The following CFAP299 variants were observed in gnomAD, a reference collection of about 807,000 sequenced individuals.
The protein encoded by CFAP299 is cilia and flagella associated protein 299, also known as cilia- and flagella-associated protein 299.
Under a neutral mutation model 27.0 loss-of-function variants are expected in CFAP299, and 21 were observed. The observed-to-expected ratio is 0.78, with a 90% CI of 0.55 to 1.12. The LOEUF is 1.12. Among genes scored for constraint, CFAP299 ranks in the 50% most tolerant of loss-of-function variants. The pLI, the probability that CFAP299 is intolerant of heterozygous loss-of-function variation, is 0.00. For synonymous variants in CFAP299, 104 were observed against 98.1 expected, an observed-to-expected ratio of 1.06 and a Z score of -0.36; for missense variants, 310 against 276.6, an observed-to-expected ratio of 1.12 and a Z score of -0.86.
At chr4:80,646,277 G>A (rs557856551) in intron 3 of CFAP299, among the ~76,000 whole-genome samples, 4 of 152,264 alleles carry the variant, frequency 2.6e-5, no homozygotes, top group East Asian at 1.9e-4. Context: ...AAAGAAAGGG[G>A]CAGGCATGCT....
At chr4:80,536,676 T>C (rs1016535629) in intron 2 of CFAP299, among the ~76,000 whole-genome samples, 1 of 152,046 alleles carries the variant, frequency 6.6e-6, no homozygotes, top group Non-Finnish European at 1.5e-5. Flanking sequence ...AGAATGAAAA[T>C]GGACTGTCAT....
intron 1 of CFAP299, among the ~76,000 whole-genome samples, chr4:80,360,361 G>A (rs1723481422): frequency 6.6e-6 from 1 of 152,120 alleles, no homozygotes; most frequent in Non-Finnish European, 1.5e-5. Flanking sequence ...GCTTGAGGAA[G>A]GTATGCTGGT....
intron 3 of CFAP299, among the ~76,000 whole-genome samples, chr4:80,610,148 G>C (rs1296672077): frequency 6.6e-6 from 1 of 151,568 alleles, no homozygotes; most frequent in Admixed American, 6.6e-5. Flanking sequence ...GTTCCTCCTT[G>C]TGTCTCTTCT....
chr4:80,390,089 G>A lies in CFAP299; in HGVS notation c.242+27205G>A, dbSNP rs140711416. Among the ~76,000 whole-genome samples the A allele has an allele frequency of 6.2e-3, 937 of 152,130 alleles. 3 individuals carry two copies. The highest frequency in any genetic ancestry group is 0.024 in the Middle Eastern group (7 of 294). ...ATTATGAAATGATTATTATAATCAA[G>A]CTTATTAACATTTCCATCACAATAC... On this transcript the variant is annotated intron_variant, in intron 2 of 5. Transcript: ENST00000358105.
At chr4:80,761,284 CT>C (rs1435290121) in intron 3 of CFAP299, among the ~76,000 whole-genome samples, 2 of 151,892 alleles carry the variant, frequency 1.3e-5, no homozygotes, top group Non-Finnish European at 2.9e-5. Flanking sequence ...CCAAAACTTT[CT>C]TTCCTCCTAG....
intron 2 of CFAP299, among the ~76,000 whole-genome samples, chr4:80,379,581 T>A (rs1495482): frequency 0.79 from 117,814 of 148,982 alleles, 45,917 homozygotes; most frequent in South Asian, 0.84. Flanking sequence ...CAAATTTTGA[T>A]GTTTGATGTT....
At chr4:80,585,808 A>C (rs1736406439) in intron 3 of CFAP299, among the ~76,000 whole-genome samples, 1 of 152,200 alleles carries the variant, frequency 6.6e-6, no homozygotes, top group African/African-American at 2.4e-5. Flanking sequence ...GCAATACATA[A>C]TAGATGCATA....
chr4:80,752,777 A>G (rs1725009588), intron 3 of CFAP299, among the ~76,000 whole-genome samples: 1 of 151,704 alleles, frequency 6.6e-6, no homozygotes. Flanking sequence ...TTGGCTTTTC[A>G]TTTATATGGC....
At chr4:80,604,465 T>C (rs554107319) in intron 3 of CFAP299, among the ~76,000 whole-genome samples, 3 of 152,302 alleles carry the variant, frequency 2.0e-5, no homozygotes, top group African/African-American at 7.2e-5. Context: ...CTTGACAGAA[T>C]TGATGTCTTG....
At chr4:80,369,742 C>A (rs551250265) in intron 2 of CFAP299, among the ~76,000 whole-genome samples, 7 of 152,328 alleles carry the variant, frequency 4.6e-5, no homozygotes, top group Admixed American at 6.5e-5. Flanking sequence ...TTCAGTGAGA[C>A]ACTTGCTGTT....
At chr4:80,382,803 C>T (rs140391045) in intron 2 of CFAP299, among the ~76,000 whole-genome samples, 228 of 152,220 alleles carry the variant, frequency 1.5e-3, no homozygotes, top group African/African-American at 5.0e-3. Flanking sequence ...TACCATCTGA[C>T]CCAGCAATCC....
chr4:80,495,596 G>A lies in CFAP299; in HGVS notation c.243-87497G>A, dbSNP rs145695159. On this transcript the variant is annotated intron_variant, in intron 2 of 5. Coordinates refer to ENST00000358105, the MANE Select transcript of CFAP299 (RefSeq NM_152770.3). The stretch of plus-strand genomic sequence containing the variant: ...GCAGGAAAACAGCTTGAGGCCAGGC[G>A]TTTGAGATCAGCCTGGACAACACAA... Among the ~76,000 whole-genome samples the A allele has an allele frequency of 9.9e-4, 151 of 152,234 alleles. No homozygotes were observed. The East Asian group carries it at 0.01, about 11-fold the overall frequency.
Position 80,870,039 on chromosome 4 carries a change from C to T in CFAP299, c.380C>T (p.Ser127Leu). Residue 127 changes from serine (S) to leucine (L), a missense_variant, in exon 4 of 6, where the codon TCA (serine) becomes TTA (leucine). Coordinates refer to ENST00000358105, the MANE Select transcript of CFAP299 (RefSeq NM_152770.3). ...RDRNSHGQEISGYIDYAHRLK... is the reference protein window; with the variant it reads ...RDRNSHGQEILGYIDYAHRLK... ...AGAAATTCTCATGGGCAAGAGATAT[C>T]AGGATACATCGACTATGCCCACAGG... is the stretch of plus-strand genomic sequence containing the variant. 6.2e-7 allele frequency: 1 copy of T among 1,613,518 alleles called. No individual in the cohort carries two copies. The highest frequency in any genetic ancestry group is 1.1e-5 in the South Asian group (1 of 91,014).
intron 3 of CFAP299, among the ~76,000 whole-genome samples, chr4:80,616,378 G>A (rs1210759891): frequency 6.6e-6 from 1 of 151,708 alleles, no homozygotes; most frequent in Admixed American, 6.6e-5. Context: ...ATATACACGC[G>A]TGTACTTTTA....
chr4:80,846,330 CTG>C (rs1484613789), intron 3 of CFAP299, among the ~76,000 whole-genome samples: 20 of 152,246 alleles, frequency 1.3e-4, no homozygotes. Flanking sequence ...GTGATAAATT[CTG>C]TGTGTCTTTT....
intron 3 of CFAP299, among the ~76,000 whole-genome samples, chr4:80,780,728 T>C (rs1578117051): frequency 1.3e-5 from 2 of 151,884 alleles, no homozygotes; most frequent in African/African-American, 4.8e-5. Flanking sequence ...TATATATATA[T>C]ACACAACTAA....
intron 2 of CFAP299, among the ~76,000 whole-genome samples, chr4:80,372,418 CT>C (rs1326151911): frequency 1.3e-5 from 2 of 152,218 alleles, no homozygotes; most frequent in African/African-American, 4.8e-5. Flanking sequence ...GGATTTGATG[CT>C]TGTGTAGCAG....
intron 4 of CFAP299, among the ~76,000 whole-genome samples, chr4:80,881,622 T>G (rs766134155): frequency 9.9e-5 from 15 of 152,190 alleles, no homozygotes; most frequent in Non-Finnish European, 1.9e-4. Context: ...GAGTCTGGAC[T>G]AGTACATAAA....
chr4:80,431,181 T>A (rs1727797897), intron 2 of CFAP299, among the ~76,000 whole-genome samples: 1 of 152,232 alleles, frequency 6.6e-6, no homozygotes. Flanking sequence ...TACTAGAATG[T>A]GAGCTCCTTG....
Sources: allele counts gnomAD v4.1 joint callset (sites outside exome capture counted in the v4.1 genomes callset), GRCh38; gene constraint gnomAD v4.1.1; transcripts MANE v1.5; gene names NCBI Gene and HGNC (gene_info 2026-07-23, HGNC 2026-07-21).